The following DENND4A variants were observed in gnomAD, a reference collection of about 807,000 sequenced individuals.
The protein encoded by DENND4A is DENN domain containing 4A.
A neutral mutation model predicts 199.3 loss-of-function variants in DENND4A; 70 were observed. That is an observed-to-expected ratio of 0.35 (90% CI 0.29 to 0.43). The LOEUF (loss-of-function observed/expected upper bound fraction) is 0.43, where lower values mean the gene tolerates loss of function less well. DENND4A is among the 20% of genes least tolerant of loss of function. DENND4A has a pLI of 1.00. For missense variants in DENND4A, 1,723 were observed against 2,255.8 expected (o/e 0.76, Z 4.78); for synonymous variants, 686 against 766.9 (o/e 0.89, Z 1.74).
In DENND4A at chr15:65,669,769, T is replaced by A. The variant is rs1305097213; in HGVS notation, c.4787+10A>T. On this transcript the variant is annotated intron_variant, in intron 27 of 32. Coordinates refer to ENST00000443035, the MANE Select transcript of DENND4A (RefSeq NM_001320835.1). ...GTTGTTAAAATATAGTTCCACATAA[T>A]CATAATTACCTATTTAGATCAAAAT... 6 of 1,596,838 alleles carry A rather than the reference T, an allele frequency of 3.8e-6. No individual in the cohort carries two copies. In the East Asian group the frequency reaches 1.3e-4, roughly 36 times the overall value.
At position 65,768,644 on chromosome 15, in the gene DENND4A, T is replaced by C. The variant is rs2077045281; in HGVS notation, c.-101-7206A>G. Reference sequence around the variant, plus strand: ...TTTGAGATTTGGCCATACTCATATATAGCAGTTTGTTCATTTTCATTTCTG... The same window carrying C: ...TTTGAGATTTGGCCATACTCATATACAGCAGTTTGTTCATTTTCATTTCTG... On this transcript the variant is annotated intron_variant, in intron 1 of 32. Transcript: ENST00000443035. 3.3e-5 allele frequency among the ~76,000 whole-genome samples: 5 copies of C among 152,282 alleles called. No individual in the cohort carries two copies. In the South Asian group the frequency reaches 6.2e-4, roughly 19 times the overall value.
Position 65,741,748 on chromosome 15 carries a change from C to A in DENND4A, c.598G>T (p.Val200Leu), listed in dbSNP as rs776054757. The change falls in exon 5 of 33, where the codon GTG becomes TTG. Residue 200 changes from valine to leucine, a missense_variant. Transcript: ENST00000443035. ...TAAGATACAGTGTTCGTCTTTGCCA[C>A]CGATTTTTTATAACACAAGTATACT... is the stretch of plus-strand genomic sequence containing the variant. ...SAVYLCYKKSVAKTNTVSYKA... is the reference protein window; with the variant it reads ...SAVYLCYKKSLAKTNTVSYKA... 1 of 1,612,756 alleles carries A rather than the reference C, an allele frequency of 6.2e-7. No homozygotes were observed. The highest frequency in any genetic ancestry group is 1.7e-5 in the Admixed American group (1 of 59,984).
At chr15:65,785,860 G>C (rs1053672708) in intron 1 of DENND4A, among the ~76,000 whole-genome samples, 2 of 151,862 alleles carry the variant, frequency 1.3e-5, no homozygotes, top group Admixed American at 1.3e-4. Context: ...CAAGAAATCT[G>C]GAAACTTCAA....
At chr15:65,789,070 A>C (rs779100413) in intron 1 of DENND4A, among the ~76,000 whole-genome samples, 1 of 152,068 alleles carries the variant, frequency 6.6e-6, no homozygotes, top group Non-Finnish European at 1.5e-5. Context: ...GTACATTTTT[A>C]AAATGATTTT....
chr15:65,692,788 G>A (rs61265627), intron 22 of DENND4A, among the ~76,000 whole-genome samples: 2 of 152,124 alleles, frequency 1.3e-5, no homozygotes, highest in Admixed American at 6.6e-5. Context: ...GAGGAATCTT[G>A]TAACCAAAAG....
At chr15:65,663,202 T>C (rs1049669910) in intron 32 of DENND4A, among the ~76,000 whole-genome samples, 2 of 144,748 alleles carry the variant, frequency 1.4e-5, no homozygotes, top group African/African-American at 5.2e-5. Flanking sequence ...ATATATATTT[T>C]TTTTTTTTTA....
At chr15:65,736,583 T>C (rs1021710787) in intron 7 of DENND4A, among the ~76,000 whole-genome samples, 5 of 152,066 alleles carry the variant, frequency 3.3e-5, no homozygotes, top group African/African-American at 1.2e-4. Context: ...TAGATTTTAA[T>C]GTAACTGACA....
At position 65,690,422 on chromosome 15, in the gene DENND4A, G is replaced by A; in HGVS notation, c.4172C>T (p.Ser1391Leu). 3.2e-6 allele frequency: 5 copies of A among 1,564,654 alleles called. No individual in the cohort carries two copies. The highest frequency in any genetic ancestry group is 4.3e-6 in the Non-Finnish European group (5 of 1,155,416). Residue 1391 changes from serine (S) to leucine (L), a missense_variant, in exon 23 of 33, where the codon TCA becomes TTA. Transcript: ENST00000443035. ...WYSRFTMYTT[S>L]SKDQSSDRTS... ...AATACTAACCAAACTTACCTTAGAT[G>A]ATGTGGTGTACATGGTGAATCTTGA...
At position 65,690,731 on chromosome 15, in the gene DENND4A, A is replaced by C. The variant is rs1263441078; in HGVS notation, c.3863T>G (p.Val1288Gly). ...CAGACTAGATCTTCTGCATGCCTTG[A>C]CCAATGGTGGACTTTTCTTATTTAA... Reference protein sequence around the residue: ...DKLNKKSPPLVKACRRSSLPP... With the variant: ...DKLNKKSPPLGKACRRSSLPP... Residue 1288 changes from valine (V) to glycine (G), a missense_variant, in exon 23 of 33, where the codon GTC (valine) becomes GGC (glycine). Transcript: ENST00000443035. 1 of 1,613,480 alleles carries C rather than the reference A, an allele frequency of 6.2e-7. No homozygotes were observed. Among genetic ancestry groups the C allele is most frequent in the Non-Finnish European group, 8.5e-7 (1 of 1,179,798 alleles).
At chr15:65,667,196 G>A (rs2076070399) in intron 29 of DENND4A, among the ~76,000 whole-genome samples, 1 of 152,216 alleles carries the variant, frequency 6.6e-6, no homozygotes, top group Admixed American at 6.5e-5. Context: ...TGAGCGTGGT[G>A]GTGTGTGCCT....
chr15:65,707,247 A>G (rs1255683280), intron 14 of DENND4A, among the ~76,000 whole-genome samples: 1 of 152,124 alleles, frequency 6.6e-6, no homozygotes, highest in African/African-American at 2.4e-5. Context: ...AAGAGCTCAT[A>G]AACTAAAAAG....
At chr15:65,676,141 A>AAAAAAAAAATATAT (rs1362535499) in intron 24 of DENND4A, among the ~76,000 whole-genome samples, 2 of 110,452 alleles carry the variant, frequency 1.8e-5, no homozygotes, top group African/African-American at 3.0e-5. Flanking sequence ...AATAAGGAAA[A>AAAAAAAAAATATAT]ATATATATAT....
chr15:65,712,444 T>A (rs1056016520), intron 14 of DENND4A, among the ~76,000 whole-genome samples: 1 of 152,176 alleles, frequency 6.6e-6, no homozygotes, highest in Non-Finnish European at 1.5e-5. Flanking sequence ...GCTATAATTA[T>A]TTCTCCTCAA....
Position 65,660,815 on chromosome 15 carries a change from T to C in DENND4A, c.*1036A>G, listed in dbSNP as rs1424931022. The stretch of plus-strand genomic sequence containing the variant: ...TACTTTTGAAAAAAATTCTGAATAT[T>C]TATATATAGTATTAACAGAATACCC... On this transcript the variant is annotated 3_prime_UTR_variant, in exon 33 of 33. Transcript: ENST00000443035. The C allele has an allele frequency of 6.6e-6, 1 of 152,666 alleles. No individual in the cohort carries two copies. Among genetic ancestry groups the C allele is most frequent in the Non-Finnish European group, 1.5e-5 (1 of 68,436 alleles). 9.5% of individuals were successfully genotyped at this position (152,666 alleles called of 1,614,324 possible).
intron 14 of DENND4A, among the ~76,000 whole-genome samples, chr15:65,707,275 T>C (rs1047753594): frequency 6.6e-6 from 1 of 152,018 alleles, no homozygotes; most frequent in Non-Finnish European, 1.5e-5. Context: ...TTGATATTAA[T>C]AAAAAAGGAT....
intron 12 of DENND4A, among the ~76,000 whole-genome samples, chr15:65,719,867 C>A (rs995744228): frequency 7.9e-5 from 12 of 151,956 alleles, no homozygotes; most frequent in Non-Finnish European, 1.6e-4. Flanking sequence ...TGCACTCCAG[C>A]CTGGGTGACA....
chr15:65,702,476 G>C lies in DENND4A; in HGVS notation c.2259C>G (p.Tyr753Ter). The C allele has an allele frequency of 6.3e-7, 1 of 1,595,468 alleles. No individual in the cohort carries two copies. Residue 753 changes from tyrosine to a stop codon, truncating the protein, a stop_gained, in exon 17 of 33, where the codon TAC becomes TAG. Coordinates refer to ENST00000443035, the MANE Select transcript of DENND4A (RefSeq NM_001320835.1). LOFTEE classifies it high-confidence loss of function. ...IKSAHKIAKR[Y>*]SSIPQMWSRC... is the part of the protein sequence containing the mutation. Reference sequence around the variant, plus strand: ...TAGACCACATCTGAGGGATGGAAGAGTACCTCTTTGCAATTTTATGGGCTG... The same window carrying C: ...TAGACCACATCTGAGGGATGGAAGACTACCTCTTTGCAATTTTATGGGCTG...
At chr15:65,682,498 G>A (rs527285036) in intron 23 of DENND4A, among the ~76,000 whole-genome samples, 1 of 152,234 alleles carries the variant, frequency 6.6e-6, no homozygotes, top group South Asian at 2.1e-4. Flanking sequence ...CTCTGGATTA[G>A]GCTTTAGCTT....
intron 23 of DENND4A, among the ~76,000 whole-genome samples, chr15:65,686,166 T>C (rs993447016): frequency 2.0e-5 from 3 of 152,206 alleles, no homozygotes; most frequent in African/African-American, 7.2e-5. Flanking sequence ...ACATGGCATG[T>C]CTCTCCATTT....
Sources: allele counts gnomAD v4.1 joint callset (sites outside exome capture counted in the v4.1 genomes callset), GRCh38; gene constraint gnomAD v4.1.1; transcripts MANE v1.5; gene names NCBI Gene and HGNC (gene_info 2026-07-23, HGNC 2026-07-21).